The following SCHIP1 variants were observed in gnomAD, a reference collection of about 807,000 sequenced individuals.
The protein encoded by SCHIP1 is schwannomin-interacting protein 1.
SCHIP1 carries 8 observed loss-of-function variants against 29.7 expected under a neutral mutation model. That is an observed-to-expected ratio of 0.27 (90% confidence interval 0.16 to 0.49). The LOEUF is 0.49. SCHIP1 is among the 20% of genes least tolerant of loss of function. SCHIP1 has a pLI of 0.99. For synonymous variants in SCHIP1, 76 were observed against 94.9 expected, an observed-to-expected ratio of 0.80 and a Z score of 1.16; for missense variants, 193 against 294.6, an observed-to-expected ratio of 0.66 and a Z score of 2.52.
In SCHIP1 at chr3:159,887,503, T is replaced by C. The variant is rs1577496010; in HGVS notation, c.268-205T>C. 4 of 590,238 alleles carry C rather than the reference T, an allele frequency of 6.8e-6. No homozygotes were observed. In the East Asian group the frequency reaches 1.1e-4, roughly 17 times the overall value. The allele number at this position is 590,238 out of a possible 1,614,324, so 36.6% of individuals were successfully genotyped here. A position where few individuals can be genotyped will look rare whatever the true frequency, so the allele number is the denominator to read the frequency against. The stretch of plus-strand genomic sequence containing the variant: ...ATATATTTCCCATTATTAACTATAC[T>C]GCTCTCTCTGTTTATGCTAAAATCT... On this transcript the variant is annotated intron_variant, in intron 3 of 6. Transcript: ENST00000445224.
At chr3:159,522,406 G>A in the SCHIP1 span, among the ~76,000 whole-genome samples, 1 of 152,316 alleles carries the variant, frequency 6.6e-6, no homozygotes, top group South Asian at 2.1e-4. Context: ...TGATTTACAT[G>A]ACAAGTAAGA....
chr3:159,383,594 CTT>C, the SCHIP1 span, among the ~76,000 whole-genome samples: 1 of 145,010 alleles, frequency 6.9e-6, no homozygotes, highest in Non-Finnish European at 1.5e-5. Context: ...AATGCGGGCT[CTT>C]TTTTGGTTCC....
chr3:159,788,304 A>T, the SCHIP1 span, among the ~76,000 whole-genome samples: 9 of 152,232 alleles, frequency 5.9e-5, no homozygotes, highest in Non-Finnish European at 1.0e-4. Flanking sequence ...AAGTACTGAT[A>T]GGGATCTACT....
the SCHIP1 span, among the ~76,000 whole-genome samples, chr3:159,485,375 A>C: frequency 6.6e-6 from 1 of 152,352 alleles, no homozygotes; most frequent in East Asian, 1.9e-4. Flanking sequence ...AGGCTTATTA[A>C]GTAAGCACGT....
chr3:159,445,067 A>C, the SCHIP1 span, among the ~76,000 whole-genome samples: 1 of 152,064 alleles, frequency 6.6e-6, no homozygotes, highest in African/African-American at 2.4e-5. Context: ...AGCAAAAGGA[A>C]CTACCATCAG....
At chr3:159,308,132 G>A in the SCHIP1 span, among the ~76,000 whole-genome samples, 1 of 152,024 alleles carries the variant, frequency 6.6e-6, no homozygotes, top group East Asian at 1.9e-4. Flanking sequence ...GAGTTTGATA[G>A]GAATAGCATT....
chr3:159,662,139 G>A, the SCHIP1 span, among the ~76,000 whole-genome samples: 9 of 152,102 alleles, frequency 5.9e-5, no homozygotes, highest in Middle Eastern at 3.4e-3. Flanking sequence ...AACTGCTCAC[G>A]CTGCCACTCT....
At chr3:159,727,090 T>A in the SCHIP1 span, among the ~76,000 whole-genome samples, 2 of 152,174 alleles carry the variant, frequency 1.3e-5, no homozygotes, top group African/African-American at 4.8e-5. Flanking sequence ...AAAAAGAAAC[T>A]TTGGTCAGGC....
the SCHIP1 span, among the ~76,000 whole-genome samples, chr3:159,410,671 C>T: frequency 2.8e-4 from 42 of 152,090 alleles, no homozygotes; most frequent in African/African-American, 9.6e-4. Flanking sequence ...TGTACACTGT[C>T]GGTAGAAATG....
chr3:159,337,870 T>C, the SCHIP1 span, among the ~76,000 whole-genome samples: 3 of 152,354 alleles, frequency 2.0e-5, no homozygotes, highest in East Asian at 5.8e-4. Context: ...ATCCAGAATA[T>C]TTCTCATTGT....
At chr3:159,450,127 T>C in the SCHIP1 span, among the ~76,000 whole-genome samples, 1 of 152,180 alleles carries the variant, frequency 6.6e-6, no homozygotes, top group Admixed American at 6.5e-5. Flanking sequence ...AACGAATTGG[T>C]CTACTTAATT....
At chr3:159,314,471 C>A in the SCHIP1 span, among the ~76,000 whole-genome samples, 2 of 152,106 alleles carry the variant, frequency 1.3e-5, no homozygotes, top group African/African-American at 4.8e-5. Context: ...TGACTTGTAG[C>A]CAATGAGATA....
the SCHIP1 span, chr3:159,764,362 T>A: frequency 6.7e-7 from 1 of 1,485,158 alleles, no homozygotes; most frequent in Non-Finnish European, 9.0e-7. The surrounding 1 kb of genome is among the most constrained non-coding windows in gnomAD (Gnocchi z 6.1). Context: ...TGCGGGGCAC[T>A]GAGCCGGGGC....
the SCHIP1 span, among the ~76,000 whole-genome samples, chr3:159,511,514 G>A: frequency 9.2e-5 from 14 of 152,150 alleles, no homozygotes; most frequent in Non-Finnish European, 1.5e-4. Context: ...AGATGAACTC[G>A]GTACCTCAGC....
chr3:159,892,235 G>T, intron 6 of SCHIP1, 45 bp downstream of exon 7: 12 of 1,609,458 alleles, frequency 7.5e-6, no homozygotes, highest in Non-Finnish European at 1.0e-5. Context: ...GCCCAGGGTG[G>T]TCTGAAATCT....
chr3:159,458,222 C>T, the SCHIP1 span, among the ~76,000 whole-genome samples: 1 of 152,182 alleles, frequency 6.6e-6, no homozygotes, highest in Non-Finnish European at 1.5e-5. Context: ...AATGACAACC[C>T]TTCTGTCCTC....
At chr3:159,519,874 T>A in the SCHIP1 span, among the ~76,000 whole-genome samples, 41 of 149,164 alleles carry the variant, frequency 2.7e-4, no homozygotes, top group South Asian at 1.3e-3. Flanking sequence ...AAAAAAAATA[T>A]ATATATATAT....
the SCHIP1 span, among the ~76,000 whole-genome samples, chr3:159,314,127 T>C: frequency 6.6e-6 from 1 of 152,214 alleles, no homozygotes; most frequent in African/African-American, 2.4e-5. Context: ...ATAGTTTGGG[T>C]CAGTGCTTGC....
the SCHIP1 span, among the ~76,000 whole-genome samples, chr3:159,470,914 A>G: frequency 6.6e-6 from 1 of 152,136 alleles, no homozygotes; most frequent in Non-Finnish European, 1.5e-5. Flanking sequence ...GTATGATTCC[A>G]TTTATATGAC....
Sources: allele counts gnomAD v4.1 joint callset (sites outside exome capture counted in the v4.1 genomes callset), GRCh38; gene constraint gnomAD v4.1.1; non-coding constraint Gnocchi (gnomAD v3.1); transcripts MANE v1.5; gene names NCBI Gene and HGNC (gene_info 2026-07-23, HGNC 2026-07-21).